The following BCL11B variants were observed in gnomAD, a reference collection of about 807,000 sequenced individuals.
The protein encoded by BCL11B is B-cell lymphoma/leukemia 11B.
In BCL11B, 8 loss-of-function variants were observed where a neutral mutation model predicts 49.9. The observed-to-expected ratio is 0.16, with a 90% CI of 0.09 to 0.29. The LOEUF is 0.29. Among genes scored for constraint, BCL11B ranks in the 10% least tolerant of loss-of-function variants. BCL11B has a pLI of 1.00. For synonymous variants in BCL11B, 739 were observed against 637.4 expected, an observed-to-expected ratio of 1.16 and a Z score of -2.40; for missense variants, 1,006 against 1,351.0, an observed-to-expected ratio of 0.74 and a Z score of 4.00.
chr14:99,245,853 C>T (rs1566828008), intron 2 of BCL11B, among the ~76,000 whole-genome samples: 1 of 151,930 alleles, frequency 6.6e-6, no homozygotes, highest in Non-Finnish European at 1.5e-5. Flanking sequence ...CTTGGGTCTC[C>T]GCCTCCATCC....
chr14:99,234,898 C>CT (rs1888448041), intron 2 of BCL11B, among the ~76,000 whole-genome samples: 1 of 149,904 alleles, frequency 6.7e-6, no homozygotes, highest in South Asian at 2.1e-4. Flanking sequence ...AATAAGGCCC[C>CT]TAAAATGCCT....
chr14:99,208,973 G>A (rs563888670), intron 3 of BCL11B, among the ~76,000 whole-genome samples: 11 of 152,282 alleles, frequency 7.2e-5, no homozygotes, highest in African/African-American at 1.9e-4. Context: ...GGCTCCATGC[G>A]AGAGCCAGGA....
At chr14:99,191,598 G>C (rs1854731120) in intron 3 of BCL11B, among the ~76,000 whole-genome samples, 1 of 152,142 alleles carries the variant, frequency 6.6e-6, no homozygotes, top group Non-Finnish European at 1.5e-5. Context: ...AGAGTTGCCT[G>C]GAGCTGAGAA....
At chr14:99,188,538 C>T (rs1212067830) in intron 3 of BCL11B, among the ~76,000 whole-genome samples, 2 of 43,540 alleles carry the variant, frequency 4.6e-5, no homozygotes, top group Non-Finnish European at 9.0e-5. Context: ...AATGGCTGGC[C>T]TGGGGCTGGG....
Position 99,271,286 on chromosome 14 carries a change from C to T in BCL11B, c.-68G>A, listed in dbSNP as rs912022613. 6.2e-6 allele frequency: 7 copies of T among 1,136,766 alleles called. No homozygotes were observed. The African/African-American group carries it at 8.0e-5, about 13-fold the overall frequency. The allele number at this position is 1,136,766 out of a possible 1,614,324, so 70.4% of individuals were successfully genotyped here. On this transcript the variant is annotated 5_prime_UTR_variant, in exon 1 of 4. Transcript: ENST00000357195. ...ATGGGGGGAGCCGGGGGAGGGGGTC[C>T]GAGCCGCCGCCGCGCCGCTGCCGCC... is the stretch of plus-strand genomic sequence containing the variant.
At chr14:99,177,359 CAT>C (rs939847171) in intron 3 of BCL11B, among the ~76,000 whole-genome samples, 1 of 151,764 alleles carries the variant, frequency 6.6e-6, no homozygotes, top group African/African-American at 2.4e-5. Context: ...GCCAAAACGT[CAT>C]CGTCTGTGTC....
chr14:99,215,955 T>C (rs1365989705), intron 3 of BCL11B, among the ~76,000 whole-genome samples: 3 of 152,082 alleles, frequency 2.0e-5, no homozygotes. Context: ...CAGAGGGCAG[T>C]GCCGGGAACA....
In BCL11B at chr14:99,170,983, G is replaced by C. The variant is rs1719373705; in HGVS notation, c.*3168C>G. On this transcript the variant is annotated 3_prime_UTR_variant, in exon 4 of 4. Transcript: ENST00000357195. ...GGTGACCGCCACAGGAGTGATGGTAGAGAAGGAAGATGTTCTCTCGCTCTC... is the reference window on the plus strand; with the variant it reads ...GGTGACCGCCACAGGAGTGATGGTACAGAAGGAAGATGTTCTCTCGCTCTC... 4.3e-6 allele frequency: 1 copy of C among 232,548 alleles called. No individual in the cohort carries two copies. The highest frequency in any genetic ancestry group is 5.6e-5 in the Admixed American group (1 of 17,756). The allele number at this position is 232,548 out of a possible 1,614,324, so 14.4% of individuals were successfully genotyped here. A position where few individuals can be genotyped will look rare whatever the true frequency, so the allele number is the denominator to read the frequency against.
chr14:99,176,032 C>T lies in BCL11B; in HGVS notation c.804G>A (p.Pro268=), dbSNP rs2139761600. Residue 268 remains proline, a synonymous_variant, in exon 4 of 4, where the codon CCG becomes CCA. Transcript: ENST00000357195. ...SLTPRLTIPP[P]LGPEAVAQSP... Reference sequence around the variant, plus strand: ...ACTGCGCCACGGCCTCCGGCCCGAGCGGCGGCGGGATGGTGAGCCGCGGCG... The same window carrying T: ...ACTGCGCCACGGCCTCCGGCCCGAGTGGCGGCGGGATGGTGAGCCGCGGCG... The T allele has an allele frequency of 6.3e-7, 1 of 1,581,304 alleles. No individual in the cohort carries two copies.
intron 3 of BCL11B, among the ~76,000 whole-genome samples, chr14:99,203,518 G>A (rs770996880): frequency 6.6e-6 from 1 of 152,208 alleles, no homozygotes; most frequent in Non-Finnish European, 1.5e-5. Context: ...ATGAAGAAAG[G>A]AGAAGTGGGT....
rs1483881443 is a variant in BCL11B at position 99,195,366 on chromosome 14, C to T, written c.641-19171G>A. Among the ~76,000 whole-genome samples the T allele has an allele frequency of 6.6e-6, 1 of 152,118 alleles. No individual in the cohort carries two copies. The highest frequency in any genetic ancestry group is 6.5e-5 in the Admixed American group (1 of 15,278). ...CCCCACACCTCCTCTGTGGGGCTCCCCCAGCACCTCCATTTTGCAGATGAG... is the reference window on the plus strand; with the variant it reads ...CCCCACACCTCCTCTGTGGGGCTCCTCCAGCACCTCCATTTTGCAGATGAG... On this transcript the variant is annotated intron_variant, in intron 3 of 3. Transcript: ENST00000357195. The surrounding 1 kb of genome is among the most constrained non-coding windows in gnomAD (Gnocchi z 4.7).
chr14:99,234,857 A>C (rs1888445338), intron 2 of BCL11B, among the ~76,000 whole-genome samples: 2 of 61,038 alleles, frequency 3.3e-5, no homozygotes, highest in Non-Finnish European at 8.3e-5. Context: ...TCTATGCACA[A>C]AAAAAAAAAA....
At chr14:99,266,378 G>A (rs781633167) in intron 1 of BCL11B, among the ~76,000 whole-genome samples, 4 of 152,064 alleles carry the variant, frequency 2.6e-5, no homozygotes, top group Non-Finnish European at 2.9e-5. Context: ...GATCACCAGC[G>A]CCTTAATAAC....
At chr14:99,203,723 A>C (rs998935141) in intron 3 of BCL11B, among the ~76,000 whole-genome samples, 1 of 152,168 alleles carries the variant, frequency 6.6e-6, no homozygotes, top group African/African-American at 2.4e-5. Context: ...TGTGCTGGAC[A>C]AGAGAGGACG....
chr14:99,251,282 C>G (rs1889000710), intron 2 of BCL11B, among the ~76,000 whole-genome samples: 1 of 152,184 alleles, frequency 6.6e-6, no homozygotes, highest in Non-Finnish European at 1.5e-5. Flanking sequence ...AAGCCAGACC[C>G]TTCCTCTGGA....
At chr14:99,212,422 G>A (rs949374920) in intron 3 of BCL11B, among the ~76,000 whole-genome samples, 1 of 152,144 alleles carries the variant, frequency 6.6e-6, no homozygotes, top group African/African-American at 2.4e-5. Context: ...TGGCCACATT[G>A]GGTGTCTGCT....
chr14:99,174,451 G>C lies in BCL11B; in HGVS notation c.2385C>G (p.Ser795Arg). 1 of 1,608,300 alleles carries C rather than the reference G, an allele frequency of 6.2e-7. No individual in the cohort carries two copies. Among genetic ancestry groups the C allele is most frequent in the Non-Finnish European group, 8.5e-7 (1 of 1,178,250 alleles). Residue 795 changes from serine (S) to arginine (R), a missense_variant, in exon 4 of 4, where the codon AGC becomes AGG. Physicochemically the swap from Ser to Arg is moderately radical, Grantham distance 110 (BLOSUM62 -1). Coordinates refer to ENST00000357195, the MANE Select transcript of BCL11B (RefSeq NM_138576.4). ...CCTTGCCGCAGTACTCGCACGTGTC[G>C]CTGCGGCGGCCCTCCTTGGAGCTGG... is the stretch of plus-strand genomic sequence containing the variant. ...GRPSSKEGRR[S>R]DTCEYCGKVF...
Position 99,231,408 on chromosome 14 carries a change from CCGAGACCGGGCG to C in BCL11B, c.565_576del (p.Arg189_Ser192del). On this transcript the variant is annotated inframe_deletion, in exon 3 of 4. Transcript: ENST00000357195. This position sits in a 1 kb window ranked among gnomAD's most constrained non-coding sequence, Gnocchi z 8.1. ...TGACCCTCACCCTGAGTCCCGTCAC[CCGAGACCGGGCG>C]CGCGCTGCAGCACGGCAGGGGGAGG... 6.3e-7 allele frequency: 1 copy of C among 1,598,322 alleles called. No homozygotes were observed. The highest frequency in any genetic ancestry group is 8.5e-7 in the Non-Finnish European group (1 of 1,172,176).
In BCL11B at chr14:99,172,182, T is replaced by C. The variant is rs558311078; in HGVS notation, c.*1969A>G. ...ATTAGCCGTTGTTCCTGAATTGTTT[T>C]TGTTTTGCTTTTCATTCAACGATAT... On this transcript the variant is annotated 3_prime_UTR_variant, in exon 4 of 4. Transcript: ENST00000357195. 8.9e-6 allele frequency: 2 copies of C among 223,742 alleles called. No homozygotes were observed. The highest frequency in any genetic ancestry group is 1.8e-4 in the South Asian group (1 of 5,442). The allele number at this position is 223,742 out of a possible 1,614,324, so 13.9% of individuals were successfully genotyped here. A position where few individuals can be genotyped will look rare whatever the true frequency, so the allele number is the denominator to read the frequency against.
Sources: allele counts gnomAD v4.1 joint callset (sites outside exome capture counted in the v4.1 genomes callset), GRCh38; gene constraint gnomAD v4.1.1; non-coding constraint Gnocchi (gnomAD v3.1); transcripts MANE v1.5; gene names NCBI Gene and HGNC (gene_info 2026-07-23, HGNC 2026-07-21).